HEATR5A: variants seen among roughly 807,000 people sequenced by gnomAD.
HEATR5A encodes the protein HEAT repeat-containing protein 5A.
Under a neutral mutation model 218.8 loss-of-function variants are expected in HEATR5A, and 178 were observed. The ratio of observed to expected loss-of-function variants is 0.81; its 90% confidence interval spans 0.72 to 0.92. HEATR5A has a LOEUF of 0.92. HEATR5A is among the 40% of genes least tolerant of loss of function. The pLI is 0.00. For synonymous variants in HEATR5A, 864 were observed against 871.6 expected, an observed-to-expected ratio of 0.99 and a Z score of 0.15; for missense variants, 2,420 against 2,418.9, an observed-to-expected ratio of 1.00 and a Z score of -0.01.
At chr14:31,363,239 C>CA (rs755305803) in intron 14 of HEATR5A, among the ~76,000 whole-genome samples, 1,926 of 88,470 alleles carry the variant, frequency 0.022, 19 homozygotes, top group African/African-American at 0.061. Context: ...ACTCTGTCTC[C>CA]AAAAAAAAAA....
chr14:31,369,287 G>C (rs1229650128), intron 13 of HEATR5A, among the ~76,000 whole-genome samples: 1 of 151,908 alleles, frequency 6.6e-6, no homozygotes, highest in Non-Finnish European at 1.5e-5. Flanking sequence ...CTGCACTCCA[G>C]CCTAGGTGAC....
At chr14:31,414,572 C>G (rs1351680201) in intron 1 of HEATR5A, among the ~76,000 whole-genome samples, 2 of 152,172 alleles carry the variant, frequency 1.3e-5, no homozygotes, top group African/African-American at 2.4e-5. Context: ...CATTATTCCT[C>G]CAGCACATCA....
At chr14:31,334,166 A>G in intron 22 of HEATR5A, 1 of 234,892 alleles carries the variant, frequency 4.3e-6, no homozygotes, top group Non-Finnish European at 8.9e-6. Flanking sequence ...AAAAAAGATT[A>G]TTTTCAAAAT....
intron 27 of HEATR5A, among the ~76,000 whole-genome samples, chr14:31,314,356 A>C (rs545854159): frequency 6.6e-6 from 1 of 151,922 alleles, no homozygotes; most frequent in South Asian, 2.1e-4. Context: ...GGGTTCAAGC[A>C]ATTCTCCTGC....
At chr14:31,320,612 A>G in intron 25 of HEATR5A, 1 of 729,724 alleles carries the variant, frequency 1.4e-6, no homozygotes, top group Non-Finnish European at 2.5e-6. Flanking sequence ...TGGAGAAATG[A>G]GTAATACCCC....
At chr14:31,393,838 G>A (rs901065320) in intron 6 of HEATR5A, among the ~76,000 whole-genome samples, 1 of 151,938 alleles carries the variant, frequency 6.6e-6, no homozygotes. Flanking sequence ...TAGTATAGAC[G>A]GGTCTCACCA....
chr14:31,293,423 C>A lies in HEATR5A; in HGVS notation c.6023G>T (p.Arg2008Leu), dbSNP rs747281156. The A allele has an allele frequency of 9.3e-6, 15 of 1,613,774 alleles. No individual in the cohort carries two copies. Among genetic ancestry groups the A allele is most frequent in the Non-Finnish European group, 1.2e-5 (14 of 1,179,816 alleles). The change falls in exon 36 of 36, where the codon CGC (arginine) becomes CTC (leucine). Residue 2008 changes from arginine (R) to leucine (L), a missense_variant. By Grantham distance (102) the Arg-to-Leu change is moderately radical. Coordinates refer to ENST00000543095, the MANE Select transcript of HEATR5A (RefSeq NM_015473.4). ...LVASSPALKA[R>L]LEAAIKGNQE... The stretch of plus-strand genomic sequence containing the variant: ...ATTGCCCTTTATAGCAGCCTCAAGG[C>A]GGGCTTTTAGGGCTGGAGAAGAAGC...
At chr14:31,357,544 A>T (rs1277005996) in intron 16 of HEATR5A, among the ~76,000 whole-genome samples, 1 of 152,224 alleles carries the variant, frequency 6.6e-6, no homozygotes, top group Non-Finnish European at 1.5e-5. Context: ...TTTTTCAGAT[A>T]GTAACAAGAA....
At chr14:31,319,781 C>T (rs191081147) in intron 25 of HEATR5A, among the ~76,000 whole-genome samples, 1 of 152,288 alleles carries the variant, frequency 6.6e-6, no homozygotes, top group Admixed American at 6.5e-5. Context: ...GCTGGTGGCT[C>T]ATGCCTGTAG....
In HEATR5A at chr14:31,356,021, A is replaced by C. The variant is rs1031947113; in HGVS notation, c.2411+2616T>G. Reference sequence around the variant, plus strand: ...TTGCTGTTTAAATTTAGATACTTTAATTAAGACCTTTCTTCTCTAGAACTC... The same window carrying C: ...TTGCTGTTTAAATTTAGATACTTTACTTAAGACCTTTCTTCTCTAGAACTC... On this transcript the variant is annotated intron_variant, in intron 16 of 35. Coordinates refer to ENST00000543095, the MANE Select transcript of HEATR5A (RefSeq NM_015473.4). Among the ~76,000 whole-genome samples the C allele has an allele frequency of 6.6e-5, 10 of 152,372 alleles. No homozygotes were observed. The East Asian group carries it at 1.9e-3, about 29-fold the overall frequency.
Position 31,302,387 on chromosome 14 carries a change from G to T in HEATR5A, c.5372C>A (p.Ser1791Tyr), listed in dbSNP as rs1361196371. Residue 1791 changes from serine (S) to tyrosine (Y), a missense_variant, in exon 33 of 36, where the codon TCT (serine) becomes TAT (tyrosine). Coordinates refer to ENST00000543095, the MANE Select transcript of HEATR5A (RefSeq NM_015473.4). ...ASLQALKGIL[S>Y]SPMARAEKSR... ...CTTTTCTGCCCGGGCCATGGGAGAA[G>T]ATAATATTCCTTTTAGAGCCTGTAG... 5 of 1,603,196 alleles carry T rather than the reference G, an allele frequency of 3.1e-6. No individual in the cohort carries two copies. In the African/African-American group the frequency reaches 4.0e-5, roughly 13 times the overall value.
At chr14:31,397,765 C>G (rs1396460594) in intron 4 of HEATR5A, among the ~76,000 whole-genome samples, 1 of 151,990 alleles carries the variant, frequency 6.6e-6, no homozygotes, top group Non-Finnish European at 1.5e-5. Context: ...CTCAAGTGAT[C>G]CTCCTGCCTC....
chr14:31,388,132 C>T (rs2030307087), intron 7 of HEATR5A, among the ~76,000 whole-genome samples: 1 of 152,138 alleles, frequency 6.6e-6, no homozygotes, highest in South Asian at 2.1e-4. Context: ...GTTTTTCTTA[C>T]TCCATAGATA....
intron 33 of HEATR5A, among the ~76,000 whole-genome samples, chr14:31,300,521 G>A (rs1463952041): frequency 6.6e-6 from 1 of 152,024 alleles, no homozygotes. Context: ...AAGGGAGAAT[G>A]TGCTGCCCAG....
intron 30 of HEATR5A, 143 bp from the exon 31 acceptor site, chr14:31,307,022 C>T: frequency 1.5e-6 from 1 of 671,602 alleles, no homozygotes; most frequent in South Asian, 2.3e-5. Flanking sequence ...AAGTAACGCT[C>T]CATTTTAAAT....
chr14:31,392,258 C>T (rs2030483000), intron 6 of HEATR5A, among the ~76,000 whole-genome samples: 1 of 152,074 alleles, frequency 6.6e-6, no homozygotes, highest in South Asian at 2.1e-4. Flanking sequence ...AAGTCTGCCA[C>T]ATTTTTCCAC....
intron 18 of HEATR5A, among the ~76,000 whole-genome samples, chr14:31,348,371 T>C (rs1901089456): frequency 1.3e-5 from 2 of 151,826 alleles, no homozygotes; most frequent in Admixed American, 6.6e-5. Flanking sequence ...AACCCAGGAG[T>C]TTGAGATCAG....
At chr14:31,380,986 C>T (rs61996784) in intron 10 of HEATR5A, among the ~76,000 whole-genome samples, 41,877 of 152,126 alleles carry the variant, frequency 0.28, 6,921 homozygotes, top group Non-Finnish European at 0.38. Context: ...CGGTGGCTCA[C>T]GCCTGTAATC....
At chr14:31,371,682 CAT>C in intron 13 of HEATR5A, 126 bp downstream of exon 13, 1 of 440,302 alleles carries the variant, frequency 2.3e-6, no homozygotes, top group East Asian at 3.6e-5. Flanking sequence ...AAAAAAAAAT[CAT>C]ATAACTAACT....
Sources: gnomAD v4.1 joint callset for allele counts (sites outside exome capture counted in the v4.1 genomes callset) on GRCh38, gnomAD v4.1.1 for gene constraint, MANE v1.5 for transcripts, NCBI Gene and HGNC (gene_info 2026-07-23, HGNC 2026-07-21) for gene names.